CELF2: variants seen among roughly 807,000 people sequenced by gnomAD.
CELF2 encodes CUG triplet repeat RNA-binding protein 2.
CELF2 carries 8 observed loss-of-function variants against 62.6 expected under a neutral mutation model. The observed-to-expected ratio is 0.13, with a 90% CI of 0.07 to 0.23. The LOEUF is 0.23. CELF2 is among the 10% of genes least tolerant of loss of function. The pLI is 1.00. For missense variants in CELF2, 333 were observed against 671.0 expected (o/e 0.50, Z 5.56); for synonymous variants, 258 against 250.0 (o/e 1.03, Z -0.30).
chr10:11,066,524 T>C (rs1031481668), intron 1 of CELF2, among the ~76,000 whole-genome samples: 31 of 152,102 alleles, frequency 2.0e-4, no homozygotes, highest in Non-Finnish European at 7.4e-5. Context: ...GGCTCTTAAC[T>C]CTTAACCACA....
intron 3 of CELF2, among the ~76,000 whole-genome samples, chr10:11,238,741 TTGAACTAAG>T (rs1465122775): frequency 4.6e-5 from 7 of 152,300 alleles, no homozygotes; most frequent in Admixed American, 2.6e-4. Flanking sequence ...CTAAGAAAAA[TTGAACTAAG>T]AAAAGATTGC....
At chr10:10,549,047 T>C in the CELF2 span, among the ~76,000 whole-genome samples, 1 of 152,336 alleles carries the variant, frequency 6.6e-6, no homozygotes, top group African/African-American at 2.4e-5. Flanking sequence ...CAATTCTTTT[T>C]CTTGCCGACT....
At chr10:10,737,294 A>G in the CELF2 span, among the ~76,000 whole-genome samples, 1 of 152,246 alleles carries the variant, frequency 6.6e-6, no homozygotes, top group South Asian at 2.1e-4. Context: ...CTAGTACTTT[A>G]TATTAGCCTT....
chr10:11,014,027 A>G (rs2137576270), upstream of CELF2, among the ~76,000 whole-genome samples: 1 of 152,402 alleles, frequency 6.6e-6, no homozygotes, highest in Middle Eastern at 3.4e-3. Flanking sequence ...TTGCCTGGCA[A>G]TGATGGGAAA....
chr10:11,241,790 A>G (rs1055660028), intron 3 of CELF2, among the ~76,000 whole-genome samples: 2 of 152,108 alleles, frequency 1.3e-5, no homozygotes, highest in African/African-American at 2.4e-5. Flanking sequence ...GTGTCTTCCT[A>G]TGTAATAGAA....
At chr10:10,500,870 T>C in the CELF2 span, among the ~76,000 whole-genome samples, 1 of 152,302 alleles carries the variant, frequency 6.6e-6, no homozygotes, top group African/African-American at 2.4e-5. Flanking sequence ...ATTTTTAGAG[T>C]CTTTTATAAA....
At chr10:10,887,983 G>C (rs2061874912) in intron 1 of CELF2, among the ~76,000 whole-genome samples, 1 of 152,150 alleles carries the variant, frequency 6.6e-6, no homozygotes, top group Non-Finnish European at 1.5e-5. Context: ...ATGTTGGCCA[G>C]GCTGGTCTCA....
At position 11,328,124 on chromosome 10, in the gene CELF2, G is replaced by A. The variant is rs2095850148; in HGVS notation, c.1439-802G>A. Among the ~76,000 whole-genome samples the A allele has an allele frequency of 6.6e-6, 1 of 152,196 alleles. No individual in the cohort carries two copies. Among genetic ancestry groups the A allele is most frequent in the Admixed American group, 6.5e-5 (1 of 15,276 alleles). ...TTATGGTGGAGGTCGTTGCTACAGA[G>A]TAAGAGATGGGGAATTCTCTTCAGA... On this transcript the variant is annotated intron_variant, in intron 12 of 12. Transcript: ENST00000633077. The surrounding 1 kb of genome is among the most constrained non-coding windows in gnomAD (Gnocchi z 6.4).
intron 2 of CELF2, among the ~76,000 whole-genome samples, chr10:11,197,067 AAAGG>A (rs2058094696): frequency 5.9e-5 from 6 of 101,284 alleles, no homozygotes; most frequent in African/African-American, 2.6e-4. Context: ...GAAAAGAAAG[AAAGG>A]AAAGAAAGAA....
the CELF2 span, among the ~76,000 whole-genome samples, chr10:10,503,800 A>G: frequency 5.3e-5 from 8 of 151,480 alleles, no homozygotes; most frequent in Middle Eastern, 3.2e-3. Flanking sequence ...TCTGTTTTGC[A>G]TTTCTGTTTT....
In CELF2 at chr10:10,995,793, A is replaced by G. The variant is rs191786841; in HGVS notation, c.89+75794A>G. Among the ~76,000 whole-genome samples, 1 of 152,326 alleles carries G rather than the reference A, an allele frequency of 6.6e-6. No homozygotes were observed. The highest frequency in any genetic ancestry group is 2.4e-5 in the African/African-American group (1 of 41,578). ...GATGGCCTCAACTAACGTAGTAGAG[A>G]TGGGAGGAAGTGGTTGGGAAAGTGT... On this transcript the variant is annotated intron_variant, in intron 2 of 13. Coordinates refer to the CELF2 transcript ENST00000636488. The surrounding 1 kb of genome is among the most constrained non-coding windows in gnomAD (Gnocchi z 4.7).
intron 3 of CELF2, among the ~76,000 whole-genome samples, chr10:11,234,335 A>G (rs1348948741): frequency 3.9e-5 from 6 of 152,224 alleles, no homozygotes; most frequent in African/African-American, 1.4e-4. Context: ...TTTGTTGAAT[A>G]GATGAACTCT....
chr10:10,781,136 CA>C, the CELF2 span, among the ~76,000 whole-genome samples: 3 of 152,300 alleles, frequency 2.0e-5, no homozygotes, highest in South Asian at 6.2e-4. Flanking sequence ...TGAAAGAGAA[CA>C]AATAGTACAT....
At chr10:10,696,252 G>A in the CELF2 span, among the ~76,000 whole-genome samples, 504 of 149,710 alleles carry the variant, frequency 3.4e-3, 5 homozygotes, top group Middle Eastern at 0.011. Flanking sequence ...GTCTGTTGGA[G>A]TACCCTGCCG....
At chr10:10,497,911 A>C in the CELF2 span, among the ~76,000 whole-genome samples, 2 of 152,210 alleles carry the variant, frequency 1.3e-5, no homozygotes, top group African/African-American at 4.8e-5. Flanking sequence ...GTTGAGAATA[A>C]ATAGACGAGG....
chr10:10,530,399 A>G, the CELF2 span, among the ~76,000 whole-genome samples: 1 of 152,350 alleles, frequency 6.6e-6, no homozygotes, highest in East Asian at 1.9e-4. Context: ...TGTTGTCAAG[A>G]TACTGAAATA....
At chr10:10,875,989 G>A (rs1414980848) in intron 1 of CELF2, among the ~76,000 whole-genome samples, 1 of 152,210 alleles carries the variant, frequency 6.6e-6, no homozygotes, top group Non-Finnish European at 1.5e-5. Context: ...TACAGGGATT[G>A]TAAGTACTGA....
chr10:10,481,117 G>A, the CELF2 span, among the ~76,000 whole-genome samples: 7 of 151,992 alleles, frequency 4.6e-5, no homozygotes. Context: ...AAATTCAAGA[G>A]GAATGTTCTT....
At chr10:10,697,810 C>G in the CELF2 span, among the ~76,000 whole-genome samples, 8 of 152,138 alleles carry the variant, frequency 5.3e-5, no homozygotes, top group African/African-American at 1.9e-4. Flanking sequence ...TTGTCTGAGA[C>G]AGGGTCTTGC....
Sources: allele counts gnomAD v4.1 joint callset (sites outside exome capture counted in the v4.1 genomes callset), GRCh38; gene constraint gnomAD v4.1.1; non-coding constraint Gnocchi (gnomAD v3.1); transcripts MANE v1.5; gene names NCBI Gene and HGNC (gene_info 2026-07-23, HGNC 2026-07-21).